Variants in MCM7 observed in about 807,000 individuals in gnomAD.
MCM7 encodes minichromosome maintenance complex component 7, also known as DNA replication licensing factor MCM7.
MCM7 carries 95 observed loss-of-function variants against 83.5 expected under a neutral mutation model. The ratio of observed to expected loss-of-function variants is 1.14; its 90% CI spans 0.96 to 1.35. The LOEUF (loss-of-function observed/expected upper bound fraction) is 1.35, where lower values mean the gene tolerates loss of function less well. MCM7 is among the 40% of genes most tolerant of loss of function. MCM7 has a pLI of 0.00. For missense variants in MCM7, 1,087 were observed against 957.4 expected (o/e 1.14, Z -1.79); for synonymous variants, 461 against 352.7 (o/e 1.31, Z -3.44).
In MCM7 at chr7:100,094,341, C is replaced by G; in HGVS notation, c.1680G>C (p.Arg560Ser). ...QFEPLDMKLMRRYIAMCREKQ... is the reference protein window; with the variant it reads ...QFEPLDMKLMSRYIAMCREKQ... ...TCTCGCGGCACATGGCTATGTAACGCCTGTGGGGGAAGGTTCATGGGGAAG... is the reference window on the plus strand; with the variant it reads ...TCTCGCGGCACATGGCTATGTAACGGCTGTGGGGGAAGGTTCATGGGGAAG... The change falls in exon 13 of 15, where the codon AGG (arginine) becomes AGC (serine). Residue 560 changes from arginine to serine, a missense_variant and splice_region_variant. Arg to Ser is a moderately radical substitution (Grantham distance 110). Transcript: ENST00000303887. 2 of 1,613,878 alleles carry G rather than the reference C, an allele frequency of 1.2e-6. No homozygotes were observed. The highest frequency in any genetic ancestry group is 1.7e-6 in the Non-Finnish European group (2 of 1,180,004).
At chr7:100,101,088 C>A (rs1361739888) in intron 1 of MCM7, 176 bp downstream of exon 1, 13 of 779,330 alleles carry the variant, frequency 1.7e-5, no homozygotes, top group Middle Eastern at 3.2e-4. Flanking sequence ...TCGATGGCCC[C>A]CCGCACGCTT....
chr7:100,099,271 C>T lies in MCM7; in HGVS notation c.401+8G>A, dbSNP rs1419239793. Reference sequence around the variant, plus strand: ...ATCCCTACATCTTTCCCGACAGAGACCACTCACAATCTGCGCATGAGTTCA... The same window carrying T: ...ATCCCTACATCTTTCCCGACAGAGATCACTCACAATCTGCGCATGAGTTCA... On this transcript the variant is annotated splice_region_variant and intron_variant, in intron 4 of 14. Transcript: ENST00000303887. 3 of 1,614,134 alleles carry T rather than the reference C, an allele frequency of 1.9e-6. No individual in the cohort carries two copies. The highest frequency in any genetic ancestry group is 1.7e-6 in the Non-Finnish European group (2 of 1,180,024).
chr7:100,099,575 C>T lies in MCM7; in HGVS notation c.276+14G>A, dbSNP rs1377339746. The T allele has an allele frequency of 9.3e-6, 15 of 1,612,930 alleles. No individual in the cohort carries two copies. Among genetic ancestry groups the T allele is most frequent in the South Asian group, 2.2e-5 (2 of 91,020 alleles). On this transcript the variant is annotated intron_variant, in intron 3 of 14. Coordinates refer to ENST00000303887, the MANE Select transcript of MCM7 (RefSeq NM_005916.5). ...GCCTCGCCCTTTGTTTGCCATTGTTCTCTAACCACTCACTTCCCTCTCCTT... is the reference window on the plus strand; with the variant it reads ...GCCTCGCCCTTTGTTTGCCATTGTTTTCTAACCACTCACTTCCCTCTCCTT...
intron 12 of MCM7, among the ~76,000 whole-genome samples, chr7:100,094,750 G>C (rs1795527728): frequency 6.6e-6 from 1 of 152,150 alleles, no homozygotes; most frequent in Admixed American, 6.5e-5. Flanking sequence ...AATAGCGATA[G>C]AGATTATCAT....
chr7:100,094,976 A>AG (rs1022623128), intron 12 of MCM7, among the ~76,000 whole-genome samples: 1 of 152,174 alleles, frequency 6.6e-6, no homozygotes, highest in Non-Finnish European at 1.5e-5. Flanking sequence ...TGGGAGGCAG[A>AG]GGTGGGCATC....
chr7:100,097,957 G>A lies in MCM7; in HGVS notation c.871-9C>T. ...GTTTCTGAGAGTAAACCCTTGGGCA[G>A]GAAAATGCCAGGATACAGATGTAAT... On this transcript the variant is annotated splice_polypyrimidine_tract_variant and intron_variant, in intron 7 of 14. Coordinates refer to ENST00000303887, the MANE Select transcript of MCM7 (RefSeq NM_005916.5). The A allele has an allele frequency of 6.2e-7, 1 of 1,612,608 alleles. No homozygotes were observed. The highest frequency in any genetic ancestry group is 2.2e-5 in the East Asian group (1 of 44,880).
intron 5 of MCM7, 129 bp from the exon 6 acceptor site, chr7:100,098,844 C>T (rs142466113): frequency 1.1e-5 from 16 of 1,402,152 alleles, no homozygotes; most frequent in Middle Eastern, 1.9e-4. Context: ...TGAACTTACT[C>T]TGGGTCAACA....
intron 13 of MCM7, 85 bp downstream of exon 13, chr7:100,094,088 G>C (rs769930470): frequency 1.9e-6 from 3 of 1,540,972 alleles, no homozygotes; most frequent in South Asian, 2.2e-5. Flanking sequence ...GGAGCGGGAG[G>C]TGGGGAGGCG....
intron 13 of MCM7, 46 bp downstream of exon 13, chr7:100,094,127 C>CA (rs1795488438): frequency 2.5e-6 from 4 of 1,613,140 alleles, no homozygotes; most frequent in Non-Finnish European, 3.4e-6. Context: ...GGAGCTACCC[C>CA]TTTAAGGGTC....
chr7:100,098,379 C>A, intron 6 of MCM7, 89 bp from the exon 7 acceptor site: 1 of 1,536,472 alleles, frequency 6.5e-7, no homozygotes, highest in Non-Finnish European at 8.9e-7. Context: ...GGCTCCCAGG[C>A]TACCCAGCCA....
At chr7:100,094,468 A>G in intron 12 of MCM7, 127 bp from the exon 13 acceptor site, 2 of 1,040,494 alleles carry the variant, frequency 1.9e-6, no homozygotes, top group Non-Finnish European at 2.8e-6. Flanking sequence ...TTAAGTGGAA[A>G]ACACAAATTA....
chr7:100,097,997 C>T lies in MCM7; in HGVS notation c.871-49G>A, dbSNP rs533803556. 5 of 1,591,990 alleles carry T rather than the reference C, an allele frequency of 3.1e-6. No homozygotes were observed. The East Asian group carries it at 6.7e-5, about 21-fold the overall frequency. ...ACAGATGTAATCCCTTCAACTTGCC[C>T]ATCACTGGATTCCCTAACAATTTCT... On this transcript the variant is annotated intron_variant, in intron 7 of 14. Transcript: ENST00000303887.
In MCM7 at chr7:100,100,111, A is replaced by G; in HGVS notation, c.32-18T>C. The G allele has an allele frequency of 6.2e-7, 1 of 1,613,454 alleles. No homozygotes were observed. Reference sequence around the variant, plus strand: ...AACCTTTTCTGTAACATGAAATGTAAAACCGTAAGACACAAACTTTAAGAC... The same window carrying G: ...AACCTTTTCTGTAACATGAAATGTAGAACCGTAAGACACAAACTTTAAGAC... On this transcript the variant is annotated intron_variant, in intron 1 of 14. Coordinates refer to ENST00000303887, the MANE Select transcript of MCM7 (RefSeq NM_005916.5).
In MCM7 at chr7:100,099,164, A is replaced by C. The variant is rs1224251495; in HGVS notation, c.441T>G (p.Arg147=). 1 of 1,614,110 alleles carries C rather than the reference A, an allele frequency of 6.2e-7. No individual in the cohort carries two copies. Among genetic ancestry groups the C allele is most frequent in the Admixed American group, 1.7e-5 (1 of 60,002 alleles). Residue 147 remains arginine (R), a synonymous_variant, in exon 5 of 15, where the codon CGT becomes CGG. Transcript: ENST00000303887. ...AGTCAGCCCGCACTTCCCGGATCAC[A>C]CGAGGCTTGTTGCTGCTAGGGCCTT... ...YFQGPSSNKP[R]VIREVRADSV...
chr7:100,095,505 T>C (rs1562894195), intron 11 of MCM7, 35 bp from the exon 12 acceptor site: 5 of 1,599,212 alleles, frequency 3.1e-6, no homozygotes, highest in East Asian at 4.5e-5. Context: ...AACACCCTTT[T>C]TAGGGCTACG....
chr7:100,096,237 C>T (rs959963002), intron 10 of MCM7, 70 bp from the exon 11 acceptor site: 37 of 1,468,226 alleles, frequency 2.5e-5, no homozygotes, highest in African/African-American at 5.6e-5. Context: ...AGACAACAAA[C>T]GGGCCAGGGA....
rs781137781 is a variant in MCM7 at position 100,099,024 on chromosome 7, G to A, written c.581C>T (p.Pro194Leu). Reference protein sequence around the residue: ...CDQCGAETYQPIQSPTFMPLI... With the variant: ...CDQCGAETYQLIQSPTFMPLI... ...TCCTGCTTCTTGCTCCACACGTACC[G>A]GCTGGTAGGTCTCTGCCCCACACTG... Residue 194 changes from proline (P) to leucine (L), a missense_variant and splice_region_variant, in exon 5 of 15, where the codon CCG becomes CTG. Transcript: ENST00000303887. The A allele has an allele frequency of 6.8e-6, 11 of 1,613,958 alleles. No homozygotes were observed. The highest frequency in any genetic ancestry group is 5.3e-5 in the African/African-American group (4 of 74,896).
chr7:100,095,405 A>G lies in MCM7; in HGVS notation c.1661T>C (p.Leu554Pro). ...CTCCTACCTCATGAGCTTCATGTCC[A>G]GAGGTTCAAACTGGGAGGGGGGCTG... ...SRQPPSQFEP[L>P]DMKLMRRYIA... Residue 554 changes from leucine to proline, a missense_variant, in exon 12 of 15, where the codon CTG becomes CCG. Coordinates refer to ENST00000303887, the MANE Select transcript of MCM7 (RefSeq NM_005916.5). 1 of 1,613,640 alleles carries G rather than the reference A, an allele frequency of 6.2e-7. No homozygotes were observed. The highest frequency in any genetic ancestry group is 8.5e-7 in the Non-Finnish European group (1 of 1,179,884).
At chr7:100,097,811 CCT>C (rs772105004) in intron 8 of MCM7, 21 bp downstream of exon 8, 23 of 1,613,932 alleles carry the variant, frequency 1.4e-5, no homozygotes, top group East Asian at 2.2e-5. Context: ...AACGGAATTT[CCT>C]CTCTCTCCCC....
Sources: gnomAD v4.1 joint callset for allele counts (sites outside exome capture counted in the v4.1 genomes callset) on GRCh38, gnomAD v4.1.1 for gene constraint, MANE v1.5 for transcripts, NCBI Gene and HGNC (gene_info 2026-07-23, HGNC 2026-07-21) for gene names.